The following DYM variants were observed in gnomAD, a reference collection of about 807,000 sequenced individuals.
DYM encodes the protein dymeclin.
A neutral mutation model predicts 93.1 loss-of-function variants in DYM; 78 were observed. The observed-to-expected ratio is 0.84, with a 90% CI of 0.70 to 1.01. The LOEUF (loss-of-function observed/expected upper bound fraction) is 1.01, where lower values mean the gene tolerates loss of function less well. Ranked by LOEUF, DYM falls within the 50% of genes least tolerant of loss-of-function variation. DYM has a pLI of 0.00. For synonymous variants in DYM, 321 were observed against 319.7 expected (o/e 1.00, Z -0.04); for missense variants, 789 against 845.0 (o/e 0.93, Z 0.82).
chr18:49,104,086 A>C (rs373968979), intron 16 of DYM, among the ~76,000 whole-genome samples: 3,439 of 152,002 alleles, frequency 0.023, 129 homozygotes, highest in African/African-American at 0.078. Context: ...CTTTTATTTC[A>C]TTAAGCAGTG....
chr18:49,110,094 C>G (rs1160215514), intron 16 of DYM, among the ~76,000 whole-genome samples: 3 of 152,198 alleles, frequency 2.0e-5, no homozygotes, highest in African/African-American at 7.2e-5. Flanking sequence ...CATAGCCATA[C>G]CCACTTGTTT....
chr18:49,328,243 C>T (rs910901414), intron 8 of DYM, among the ~76,000 whole-genome samples: 2 of 152,078 alleles, frequency 1.3e-5, no homozygotes, highest in Non-Finnish European at 2.9e-5. Flanking sequence ...GATGCATGTA[C>T]ATAAGTTACT....
intron 15 of DYM, among the ~76,000 whole-genome samples, chr18:49,141,644 C>G (rs1255927464): frequency 6.6e-6 from 1 of 152,154 alleles, no homozygotes; most frequent in African/African-American, 2.4e-5. Flanking sequence ...TCTCAGAGAG[C>G]AAACCCCTGA....
intron 2 of DYM, among the ~76,000 whole-genome samples, chr18:49,405,482 A>G (rs889204565): frequency 1.3e-5 from 2 of 152,208 alleles, no homozygotes; most frequent in South Asian, 4.1e-4. Context: ...TTCCAGAACC[A>G]TTTATTGAAT....
chr18:49,331,912 G>C lies in DYM; in HGVS notation c.715C>G (p.Gln239Glu). The C allele has an allele frequency of 6.2e-7, 1 of 1,614,134 alleles. No homozygotes were observed. The highest frequency in any genetic ancestry group is 8.5e-7 in the Non-Finnish European group (1 of 1,180,010). ...TAAAGCAGTCCTCCCCCATCCGACTGCTGAGGGAAAACATGGGCCCCTGGA... is the reference window on the plus strand; with the variant it reads ...TAAAGCAGTCCTCCCCCATCCGACTCCTGAGGGAAAACATGGGCCCCTGGA... ...PPPGAHVFPQ[Q>E]SDGGGLLYGL... is the part of the protein sequence containing the mutation. Residue 239 changes from glutamine to glutamate, a missense_variant, in exon 8 of 18, where the codon CAG becomes GAG. Gln to Glu is a conservative substitution (Grantham distance 29). Coordinates refer to ENST00000675505, the MANE Select transcript of DYM (RefSeq NM_001353214.3).
chr18:49,441,652 G>T (rs762070309), intron 1 of DYM, among the ~76,000 whole-genome samples: 33 of 151,962 alleles, frequency 2.2e-4, no homozygotes, highest in Non-Finnish European at 3.8e-4. Flanking sequence ...GGGAAGTGTG[G>T]AAGATGGGAA....
intron 6 of DYM, 142 bp from the exon 7 acceptor site, chr18:49,333,995 A>C (rs752758486): frequency 3.8e-5 from 34 of 902,600 alleles, no homozygotes; most frequent in Non-Finnish European, 5.2e-5. Flanking sequence ...CGTTTAATAC[A>C]AAAATTAAGT....
chr18:49,236,487 A>AAT (rs1555652860), intron 13 of DYM, among the ~76,000 whole-genome samples: 4 of 149,118 alleles, frequency 2.7e-5, no homozygotes, highest in African/African-American at 9.8e-5. Context: ...CTCAAAAAAA[A>AAT]AAATAAATAA....
At chr18:49,298,581 CAA>C (rs34066907) in intron 8 of DYM, among the ~76,000 whole-genome samples, 3,445 of 134,544 alleles carry the variant, frequency 0.026, 129 homozygotes, top group African/African-American at 0.09. Context: ...AACTCCGTCT[CAA>C]AAAAAAAAAA....
At chr18:49,313,522 A>T (rs1336763697) in intron 8 of DYM, among the ~76,000 whole-genome samples, 1 of 144,524 alleles carries the variant, frequency 6.9e-6, no homozygotes, top group East Asian at 2.0e-4. Context: ...AACCTGGCCA[A>T]AACCTGTCAA....
chr18:49,078,873 G>T (rs986234342), intron 17 of DYM, among the ~76,000 whole-genome samples: 4 of 152,192 alleles, frequency 2.6e-5, no homozygotes, highest in African/African-American at 9.6e-5. Flanking sequence ...TCAGCCTGAA[G>T]AACTTCCTTT....
At position 49,292,624 on chromosome 18, in the gene DYM, A is replaced by AAAAAAAAAAAAAC. The variant is rs1568189068; in HGVS notation, c.764-6009_764-6008insGTTTTTTTTTTTT. ...AAAAAAAAAAAAAAAAAAAAAAAAA[A>AAAAAAAAAAAAAC]ACCCCCACAAAAACCTGTCCACCAG... On this transcript the variant is annotated intron_variant, in intron 8 of 17. Coordinates refer to ENST00000675505, the MANE Select transcript of DYM (RefSeq NM_001353214.3). 1.2e-4 allele frequency among the ~76,000 whole-genome samples: 8 copies of AAAAAAAAAAAAAC among 65,052 alleles called. 1 individual carries two copies. Among genetic ancestry groups the AAAAAAAAAAAAAC allele is most frequent in the South Asian group, 1.1e-3 (2 of 1,874 alleles). The allele number at this position is 65,052 out of a possible 152,430, so 42.7% of individuals were successfully genotyped here.
intron 8 of DYM, among the ~76,000 whole-genome samples, chr18:49,306,627 T>A (rs555453085): frequency 2.2e-4 from 33 of 152,316 alleles, no homozygotes; most frequent in Non-Finnish European, 3.2e-4. Context: ...AAAGTAGAAC[T>A]TCAAATGTGC....
chr18:49,054,304 C>T (rs1283944473), intron 17 of DYM, among the ~76,000 whole-genome samples: 1 of 152,110 alleles, frequency 6.6e-6, no homozygotes. Flanking sequence ...TGCAGTGGTG[C>T]GATCTCGGCT....
chr18:49,317,650 T>TCTCCTCTCCTCTCCTC (rs1555690539), intron 8 of DYM, among the ~76,000 whole-genome samples: 5 of 73,560 alleles, frequency 6.8e-5, no homozygotes, highest in Admixed American at 1.5e-4. Context: ...TCTCCTCTCC[T>TCTCCTCTCCTCTCCTC]TCCTTCCTTC....
intron 17 of DYM, among the ~76,000 whole-genome samples, chr18:49,080,512 G>T (rs1322091088): frequency 1.4e-5 from 2 of 140,494 alleles, no homozygotes; most frequent in Non-Finnish European, 3.2e-5. Context: ...CGGGCAGAGG[G>T]GCTCCTCACT....
Position 49,191,293 on chromosome 18 carries a change from A to G in DYM, c.1625+18258T>C, listed in dbSNP as rs531235416. 6.6e-5 allele frequency among the ~76,000 whole-genome samples: 10 copies of G among 152,100 alleles called. No individual in the cohort carries two copies. In the South Asian group the frequency reaches 2.1e-3, roughly 32 times the overall value. On this transcript the variant is annotated intron_variant, in intron 14 of 17. Transcript: ENST00000675505. ...CCATTGTAAATTATACTCAGTTGGT[A>G]ATTACTCTTAATTTTTCCTCTTCCA...
chr18:49,403,418 G>T (rs1759834835), intron 2 of DYM, among the ~76,000 whole-genome samples: 1 of 152,104 alleles, frequency 6.6e-6, no homozygotes, highest in African/African-American at 2.4e-5. Context: ...TTTGTATGAT[G>T]TTTTATAGTT....
chr18:49,258,847 G>GAGAGAGATAGCAC (rs2094441206), intron 11 of DYM, among the ~76,000 whole-genome samples: 1 of 57,038 alleles, frequency 1.8e-5, no homozygotes, highest in African/African-American at 8.8e-5. Flanking sequence ...CACAGAGAGA[G>GAGAGAGATAGCAC]AGAGAGAGAG....
Sources: gnomAD v4.1 joint callset for allele counts (sites outside exome capture counted in the v4.1 genomes callset) on GRCh38, gnomAD v4.1.1 for gene constraint, MANE v1.5 for transcripts, NCBI Gene and HGNC (gene_info 2026-07-23, HGNC 2026-07-21) for gene names.